The following DMD variants were observed in gnomAD, a reference collection of about 807,000 sequenced individuals.
DMD encodes mutant dystrophin.
Under a neutral mutation model 330.1 loss-of-function variants are expected in DMD, and 63 were observed. The ratio of observed to expected loss-of-function variants is 0.19; its 90% confidence interval spans 0.16 to 0.24. DMD has a LOEUF of 0.24. Among genes scored for constraint, DMD ranks in the 10% least tolerant of loss-of-function variants. The pLI, the probability that DMD is intolerant of heterozygous loss-of-function variation, is 1.00. For missense variants in DMD, 3,344 were observed against 2,684.1 expected (o/e 1.25, Z -5.43); for synonymous variants, 1,223 against 959.8 (o/e 1.27, Z -5.07).
intron 44 of DMD, among the ~76,000 whole-genome samples, chrX:32,101,648 T>G (rs1390508718): frequency 8.9e-6 from 1 of 112,192 alleles, no homozygotes; most frequent in Non-Finnish European, 1.9e-5. Context: ...AATTGTAAAT[T>G]TAAAACTATT....
intron 62 of DMD, among the ~76,000 whole-genome samples, chrX:31,311,593 C>T (rs922173805): frequency 4.6e-4 from 51 of 111,333 alleles, no homozygotes; most frequent in African/African-American, 1.6e-3. Flanking sequence ...ATGCCTCTAG[C>T]TTTGTTCTTT....
chrX:32,216,500 A>G (rs371630593), intron 44 of DMD, among the ~76,000 whole-genome samples: 11 of 112,151 alleles, frequency 9.8e-5, no homozygotes, highest in African/African-American at 3.2e-4. Context: ...TGTCTTTAGG[A>G]AAACAGAACT....
chrX:31,289,223 C>G (rs1426438549), intron 62 of DMD, among the ~76,000 whole-genome samples: 6 of 93,774 alleles, frequency 6.4e-5, no homozygotes, highest in African/African-American at 8.8e-5. Context: ...AGGTTGCAGT[C>G]CACTGCACTC....
intron 7 of DMD, among the ~76,000 whole-genome samples, chrX:32,764,677 C>A (rs1179867524): frequency 8.9e-6 from 1 of 112,002 alleles, no homozygotes; most frequent in Non-Finnish European, 1.9e-5. Flanking sequence ...TTTTGTTTAT[C>A]CATTCATCTT....
chrX:31,203,398 C>T (rs768221098), intron 67 of DMD, among the ~76,000 whole-genome samples: 77 of 108,499 alleles, frequency 7.1e-4, no homozygotes, highest in Non-Finnish European at 1.3e-3. Flanking sequence ...GCACTGACTA[C>T]GACAGAGAAA....
chrX:31,525,820 G>A (rs764728391), intron 55 of DMD, among the ~76,000 whole-genome samples: 1 of 112,620 alleles, frequency 8.9e-6, no homozygotes, highest in East Asian at 2.8e-4. Context: ...TGGAAAGTTT[G>A]ACTTCACTGT....
At chrX:32,653,096 C>G (rs12008981) in intron 9 of DMD, among the ~76,000 whole-genome samples, 8,090 of 111,278 alleles carry the variant, frequency 0.073, 713 homozygotes, top group African/African-American at 0.25. Flanking sequence ...AATTTTCTCC[C>G]ATTCTGTAGG....
intron 34 of DMD, among the ~76,000 whole-genome samples, chrX:32,366,641 C>T (rs2097855551): frequency 9.0e-6 from 1 of 111,560 alleles, no homozygotes; most frequent in Non-Finnish European, 1.9e-5. Flanking sequence ...TAGAGTCACT[C>T]TCAACATGTC....
chrX:32,881,309 T>TA (rs749739633), intron 2 of DMD, among the ~76,000 whole-genome samples: 205 of 112,969 alleles, frequency 1.8e-3, no homozygotes, highest in African/African-American at 6.3e-3. Flanking sequence ...AAATAGTTCT[T>TA]AAAGTATTCT....
chrX:33,202,543 T>C (rs1195841747), intron 1 of DMD, among the ~76,000 whole-genome samples: 1 of 112,058 alleles, frequency 8.9e-6, no homozygotes, highest in Non-Finnish European at 1.9e-5. Flanking sequence ...TAGGTGAATC[T>C]AGAATAGTGC....
intron 63 of DMD, among the ~76,000 whole-genome samples, chrX:31,258,709 G>T (rs1027063498): frequency 8.9e-6 from 1 of 112,082 alleles, no homozygotes; most frequent in African/African-American, 3.2e-5. Flanking sequence ...CACAAGTCAT[G>T]AGAGATTATC....
chrX:33,261,366 C>T (rs1032313521), intron 1 of DMD, among the ~76,000 whole-genome samples: 25 of 110,058 alleles, frequency 2.3e-4, no homozygotes, highest in Non-Finnish European at 4.6e-4. Flanking sequence ...AATCTTGGCA[C>T]CTCCACATAT....
chrX:31,252,252 T>G (rs993748672), intron 63 of DMD, among the ~76,000 whole-genome samples: 1 of 112,261 alleles, frequency 8.9e-6, no homozygotes, highest in Non-Finnish European at 1.9e-5. Context: ...AATAACAAAT[T>G]TGAGTAAATC....
Position 31,266,730 on chromosome X carries a change from C to T in DMD, c.9225-5714G>A, listed in dbSNP as rs963618415. On this transcript the variant is annotated intron_variant, in intron 62 of 78. Transcript: ENST00000357033. ...CCGCCGCGCCTGTCCAAGTTTTGAC[C>T]GCCTCAGCTTGCCCCCTGCTCGCGC... 5.9e-6 allele frequency: 6 copies of T among 1,017,343 alleles called. No homozygotes were observed. In the African/African-American group the frequency reaches 9.4e-5, roughly 16 times the overall value. 83.8% of individuals were successfully genotyped at this position (1,017,343 alleles called of 1,213,427 possible).
chrX:32,359,663 T>C (rs2147193039), intron 37 of DMD, among the ~76,000 whole-genome samples: 2 of 111,563 alleles, frequency 1.8e-5, no homozygotes, highest in South Asian at 7.4e-4. Context: ...TTTCTTATTG[T>C]AATCAACAAA....
At chrX:32,844,889 G>A in intron 3 of DMD, 29 bp from the exon 4 acceptor site, 5 of 1,102,823 alleles carry the variant, frequency 4.5e-6, no homozygotes, top group Non-Finnish European at 6.3e-6. Flanking sequence ...AGTGTTCACT[G>A]ACCAGCAGAG....
chrX:31,166,102 A>G (rs2039390772), intron 74 of DMD, among the ~76,000 whole-genome samples: 1 of 112,503 alleles, frequency 8.9e-6, no homozygotes, highest in South Asian at 3.7e-4. Flanking sequence ...TTGTAAAAGA[A>G]CTTTAGTCAA....
chrX:32,772,108 T>C (rs375791783), intron 7 of DMD, among the ~76,000 whole-genome samples: 78 of 112,372 alleles, frequency 6.9e-4, no homozygotes, highest in African/African-American at 2.5e-3. Context: ...CATTCATAAT[T>C]TGAAATGGTA....
At chrX:31,881,531 C>T (rs762098858) in intron 47 of DMD, among the ~76,000 whole-genome samples, 122 of 112,118 alleles carry the variant, frequency 1.1e-3, no homozygotes, top group Non-Finnish European at 1.7e-3. Flanking sequence ...ACTCACTCAC[C>T]GACTCACCCA....
Sources: gnomAD v4.1 joint callset for allele counts (sites outside exome capture counted in the v4.1 genomes callset) on GRCh38, gnomAD v4.1.1 for gene constraint, MANE v1.5 for transcripts, NCBI Gene and HGNC (gene_info 2026-07-23, HGNC 2026-07-21) for gene names.